Variants in ADAMTS12 observed in about 807,000 individuals in gnomAD.
ADAMTS12 encodes ADAM metallopeptidase with thrombospondin type 1 motif 12, also known as A disintegrin and metalloproteinase with thrombospondin motifs 12.
ADAMTS12 carries 118 observed loss-of-function variants against 167.8 expected under a neutral mutation model. The observed-to-expected ratio is 0.70, with a 90% CI of 0.61 to 0.82. The LOEUF (loss-of-function observed/expected upper bound fraction) is 0.82. Ranked by LOEUF, ADAMTS12 falls within the 40% of genes least tolerant of loss-of-function variation. The pLI is 0.00. For missense variants in ADAMTS12, 1,916 were observed against 1,998.8 expected, an observed-to-expected ratio of 0.96 and a Z score of 0.79; for synonymous variants, 704 against 716.9, an observed-to-expected ratio of 0.98 and a Z score of 0.29.
At chr5:33,866,778 G>A (rs1484268996) in intron 2 of ADAMTS12, among the ~76,000 whole-genome samples, 3 of 151,922 alleles carry the variant, frequency 2.0e-5, no homozygotes, top group African/African-American at 4.8e-5. Flanking sequence ...CTAAAAGTGG[G>A]CATATGAAAT....
chr5:33,885,963 C>A (rs1057372826), intron 1 of ADAMTS12, among the ~76,000 whole-genome samples: 2 of 152,204 alleles, frequency 1.3e-5, no homozygotes, highest in Admixed American at 1.3e-4. Context: ...AGTCCCAGAT[C>A]TGAGTTAGAA....
chr5:33,531,001 C>T (rs1322284713), intron 23 of ADAMTS12, among the ~76,000 whole-genome samples: 1 of 152,190 alleles, frequency 6.6e-6, no homozygotes, highest in Non-Finnish European at 1.5e-5. Flanking sequence ...GTGGGCCCTT[C>T]ATCCAACCTG....
intron 17 of ADAMTS12, among the ~76,000 whole-genome samples, chr5:33,594,819 G>A (rs952619573): frequency 6.6e-6 from 1 of 152,176 alleles, no homozygotes. Flanking sequence ...TGTTTGGACT[G>A]CTAAGAGACT....
chr5:33,674,328 T>C (rs968957222), intron 5 of ADAMTS12, among the ~76,000 whole-genome samples: 2 of 152,154 alleles, frequency 1.3e-5, no homozygotes, highest in African/African-American at 4.8e-5. Flanking sequence ...GCAATAATAA[T>C]TCCAGTGCCT....
At chr5:33,549,061 C>T in intron 21 of ADAMTS12, 146 bp downstream of exon 21, 1 of 1,009,404 alleles carries the variant, frequency 9.9e-7, no homozygotes, top group Non-Finnish European at 1.4e-6. Context: ...CAGCTTCTCA[C>T]ATACAGGGTG....
At chr5:33,686,029 C>A (rs1276020585) in intron 3 of ADAMTS12, among the ~76,000 whole-genome samples, 1 of 152,140 alleles carries the variant, frequency 6.6e-6, no homozygotes, top group Non-Finnish European at 1.5e-5. Context: ...GTACAGGAAT[C>A]CTGTCAACAT....
In ADAMTS12 at chr5:33,649,536, T is replaced by C. The variant is rs983911958; in HGVS notation, c.1334+18A>G. On this transcript the variant is annotated intron_variant, in intron 8 of 23. Coordinates refer to ENST00000504830, the MANE Select transcript of ADAMTS12 (RefSeq NM_030955.4). Reference sequence around the variant, plus strand: ...TAAAGAGACCCAGGTGAGGGCGTCATGAGACACTGTCACTTACTCCAAGAA... The same window carrying C: ...TAAAGAGACCCAGGTGAGGGCGTCACGAGACACTGTCACTTACTCCAAGAA... 6.2e-7 allele frequency: 1 copy of C among 1,611,506 alleles called. No homozygotes were observed. The highest frequency in any genetic ancestry group is 8.5e-7 in the Non-Finnish European group (1 of 1,178,414).
chr5:33,592,523 CAAAT>C (rs972865912), intron 17 of ADAMTS12, among the ~76,000 whole-genome samples: 6 of 152,102 alleles, frequency 3.9e-5, no homozygotes, highest in Non-Finnish European at 7.4e-5. Flanking sequence ...AGAAGGGACT[CAAAT>C]AACCTCTTTC....
chr5:33,660,468 C>T (rs148510679), intron 6 of ADAMTS12, among the ~76,000 whole-genome samples: 1 of 152,302 alleles, frequency 6.6e-6, no homozygotes, highest in East Asian at 1.9e-4. Flanking sequence ...AGTGCCTGGT[C>T]CATATCAAAC....
At chr5:33,725,214 G>C (rs906337455) in intron 3 of ADAMTS12, among the ~76,000 whole-genome samples, 10 of 152,164 alleles carry the variant, frequency 6.6e-5, no homozygotes, top group African/African-American at 2.4e-4. Context: ...AAACCACTGA[G>C]CTGGGTGATC....
chr5:33,573,428 C>A (rs1184434), intron 19 of ADAMTS12, among the ~76,000 whole-genome samples: 2 of 152,076 alleles, frequency 1.3e-5, no homozygotes, highest in Admixed American at 1.3e-4. Context: ...CAGAACAGAG[C>A]CCTCAGAAAT....
In ADAMTS12 at chr5:33,575,473, A is replaced by G. The variant is rs542078504; in HGVS notation, c.3972+581T>C. ...ATAGATGAATTCGACATAATCACAC[A>G]GCCGAATGCCCAGGCTTCCTAGCTT... On this transcript the variant is annotated intron_variant, in intron 19 of 23. Coordinates refer to ENST00000504830, the MANE Select transcript of ADAMTS12 (RefSeq NM_030955.4). Among the ~76,000 whole-genome samples, 8 of 152,326 alleles carry G rather than the reference A, an allele frequency of 5.3e-5. No homozygotes were observed. In the South Asian group the frequency reaches 1.7e-3, roughly 32 times the overall value.
intron 2 of ADAMTS12, among the ~76,000 whole-genome samples, chr5:33,806,458 AC>A (rs1389911020): frequency 2.6e-5 from 4 of 152,234 alleles, no homozygotes; most frequent in Admixed American, 2.6e-4. Flanking sequence ...TAACTTTTTA[AC>A]TTTTTAACAT....
intron 18 of ADAMTS12, among the ~76,000 whole-genome samples, chr5:33,580,897 C>T (rs1280702362): frequency 1.3e-5 from 2 of 152,154 alleles, no homozygotes; most frequent in African/African-American, 2.4e-5. Flanking sequence ...GGAGTTTATA[C>T]GTCCCTCAGT....
intron 2 of ADAMTS12, among the ~76,000 whole-genome samples, chr5:33,871,565 C>G (rs1750038114): frequency 6.6e-6 from 1 of 151,082 alleles, no homozygotes; most frequent in African/African-American, 2.4e-5. Context: ...AAAAATGAGC[C>G]AATGCCACCT....
chr5:33,697,630 G>C (rs944191535), intron 3 of ADAMTS12, among the ~76,000 whole-genome samples: 6 of 151,888 alleles, frequency 4.0e-5, no homozygotes, highest in Non-Finnish European at 8.8e-5. Flanking sequence ...CACAATACCA[G>C]GCATTATCAG....
intron 2 of ADAMTS12, among the ~76,000 whole-genome samples, chr5:33,793,601 C>G (rs1746660340): frequency 6.6e-6 from 1 of 152,048 alleles, no homozygotes; most frequent in Admixed American, 6.6e-5. Flanking sequence ...GATTATTTTA[C>G]CCAAACTTTT....
rs187931951 is a variant in ADAMTS12, at chr5:33,762,377, G to A, written c.490-10829C>T. Among the ~76,000 whole-genome samples the A allele has an allele frequency of 2.5e-3, 363 of 144,552 alleles. 1 individual carries two copies. Among genetic ancestry groups the A allele is most frequent in the African/African-American group, 8.9e-3 (347 of 38,932 alleles). 94.8% of individuals were successfully genotyped at this position (144,552 alleles called of 152,430 possible). On this transcript the variant is annotated intron_variant, in intron 2 of 23. Transcript: ENST00000504830. Reference sequence around the variant, plus strand: ...CAAAAAGTTAGCGGGGCGTGGTGGCGGGCGCCTGCAGTCCCAGCTACTCGG... The same window carrying A: ...CAAAAAGTTAGCGGGGCGTGGTGGCAGGCGCCTGCAGTCCCAGCTACTCGG...
intron 9 of ADAMTS12, among the ~76,000 whole-genome samples, chr5:33,646,619 T>A (rs1740676648): frequency 7.2e-5 from 11 of 152,118 alleles, no homozygotes; most frequent in Admixed American, 7.2e-4. Flanking sequence ...AACTGAAAAT[T>A]TTCGGTGAAA....
Sources: gnomAD v4.1 joint callset for allele counts (sites outside exome capture counted in the v4.1 genomes callset) on GRCh38, gnomAD v4.1.1 for gene constraint, MANE v1.5 for transcripts, NCBI Gene and HGNC (gene_info 2026-07-23, HGNC 2026-07-21) for gene names.